Variants in PLRG1 observed in about 807,000 individuals in gnomAD.
PLRG1 encodes pleiotropic regulator 1, also known as pleiotropic regulator 1 (PRL1 homolog, Arabidopsis).
PLRG1 carries 28 observed loss-of-function variants against 74.9 expected under a neutral mutation model. The observed-to-expected ratio is 0.37, with a 90% CI of 0.28 to 0.51. PLRG1 has a LOEUF of 0.51. PLRG1 is among the 20% of genes least tolerant of loss of function. The pLI, the probability that PLRG1 is intolerant of heterozygous loss-of-function variation, is 0.91. For synonymous variants in PLRG1, 197 were observed against 212.4 expected, an observed-to-expected ratio of 0.93 and a Z score of 0.63; for missense variants, 445 against 631.9, an observed-to-expected ratio of 0.70 and a Z score of 3.17.
chr4:154,549,768 G>A (rs1359566392), intron 1 of PLRG1: 4 of 456,424 alleles, frequency 8.8e-6, no homozygotes, highest in Non-Finnish European at 1.8e-5. Context: ...CTCAATTAAG[G>A]TGGACTGCAG....
At chr4:154,542,388 T>C (rs1489730719) in intron 7 of PLRG1, 109 bp from the exon 8 acceptor site, 1 of 671,500 alleles carries the variant, frequency 1.5e-6, no homozygotes, top group Non-Finnish European at 2.7e-6. Flanking sequence ...TCATAAAAGA[T>C]AATGACTATT....
At chr4:154,542,041 T>C (rs1729564532) in intron 8 of PLRG1, 146 bp downstream of exon 8, 1 of 606,836 alleles carries the variant, frequency 1.6e-6, no homozygotes, top group Non-Finnish European at 3.0e-6. Context: ...GAACACTTAT[T>C]AGTATAAATG....
intron 6 of PLRG1, among the ~76,000 whole-genome samples, chr4:154,545,349 T>C (rs368248458): frequency 2.2e-5 from 3 of 135,340 alleles, no homozygotes; most frequent in East Asian, 2.0e-4. Flanking sequence ...AAAATAACTA[T>C]AGAAAATTCA....
intron 11 of PLRG1, among the ~76,000 whole-genome samples, chr4:154,539,606 C>A (rs1729519659): frequency 6.6e-6 from 1 of 152,036 alleles, no homozygotes; most frequent in African/African-American, 2.4e-5. Flanking sequence ...AGATTCAAAT[C>A]AGTTCTAAAG....
rs542475309 is a variant in PLRG1 at position 154,550,348 on chromosome 4, C to G, written c.-40G>C. Reference sequence around the variant, plus strand: ...TCCCACCTCCGGCAGGGAAGAAACTCTAATCACTAACGCAGTACCCGCCGC... The same window carrying G: ...TCCCACCTCCGGCAGGGAAGAAACTGTAATCACTAACGCAGTACCCGCCGC... On this transcript the variant is annotated 5_prime_UTR_variant, in exon 1 of 15. Transcript: ENST00000499023. 12 of 1,604,778 alleles carry G rather than the reference C, an allele frequency of 7.5e-6. No individual in the cohort carries two copies. Among genetic ancestry groups the G allele is most frequent in the Middle Eastern group, 1.7e-4 (1 of 6,042 alleles).
At position 154,539,212 on chromosome 4, in the gene PLRG1, TC is replaced by T; in HGVS notation, c.1043del (p.Gly348GlufsTer19). 1 of 1,566,238 alleles carries T rather than the reference TC, an allele frequency of 6.4e-7. No individual in the cohort carries two copies. Among genetic ancestry groups the T allele is most frequent in the Non-Finnish European group, 8.8e-7 (1 of 1,136,546 alleles). ...CQAAEPQIIT[G>X]SHDTTIRLWD... is the part of the protein sequence containing the mutation. ...ATAATCGAATTGTAGTATCATGGCT[TC>T]CTGTAATGGAAACACATATATCCCT... On this transcript the variant is annotated frameshift_variant and splice_region_variant, in exon 12 of 15. Transcript: ENST00000499023. LOFTEE classifies it high-confidence loss of function.
Position 154,547,822 on chromosome 4 carries a change from T to C in PLRG1, c.148A>G (p.Asn50Asp). The change falls in exon 3 of 15, where the codon AAT becomes GAT. Residue 50 changes from asparagine (N) to aspartate (D), a missense_variant. Physicochemically the swap from Asn to Asp is conservative, Grantham distance 23 (BLOSUM62 1). Transcript: ENST00000499023. ...ATATGCAACACAGGACCATACTCAT[T>C]ACGAAGCTTGATTGCCATTTTTCGT... Reference protein sequence around the residue: ...HKRKMAIKLRNEYGPVLHMPT... With the variant: ...HKRKMAIKLRDEYGPVLHMPT... 6.2e-7 allele frequency: 1 copy of C among 1,609,524 alleles called. No individual in the cohort carries two copies. Among genetic ancestry groups the C allele is most frequent in the Non-Finnish European group, 8.5e-7 (1 of 1,177,776 alleles).
At chr4:154,543,820 C>G (rs1032976940) in intron 7 of PLRG1, 1 of 152,184 alleles carries the variant, frequency 6.6e-6, no homozygotes, top group Non-Finnish European at 1.5e-5. Flanking sequence ...ACATTTCCTA[C>G]TATGTACATT....
Position 154,537,344 on chromosome 4 carries a change from C to T in PLRG1, c.1427G>A (p.Arg476Gln), listed in dbSNP as rs770950365. The T allele has an allele frequency of 6.2e-7, 1 of 1,613,108 alleles. No individual in the cohort carries two copies. Among genetic ancestry groups the T allele is most frequent in the Non-Finnish European group, 8.5e-7 (1 of 1,179,350 alleles). The stretch of plus-strand genomic sequence containing the variant: ...TTTATCAGCTTCAGCTGTTAGTAAT[C>T]GACTTTCAGACTGATCAAAAGCACA... ...FACAFDQSES[R>Q]LLTAEADKTI... Residue 476 changes from arginine to glutamine, a missense_variant, in exon 14 of 15, where the codon CGA (arginine) becomes CAA (glutamine). This residue lies in a region of PLRG1 where 221 missense variants were observed against 377.7 expected (regional missense o/e 0.59). Transcript: ENST00000499023.
chr4:154,546,007 T>C (rs1729645558), intron 5 of PLRG1, 84 bp from the exon 6 acceptor site: 3 of 1,110,608 alleles, frequency 2.7e-6, no homozygotes, highest in South Asian at 1.4e-5. Flanking sequence ...TTTTAAATTG[T>C]TATAAAGTCC....
chr4:154,535,589 T>C lies in PLRG1; in HGVS notation c.*1096A>G, dbSNP rs1366168068. ...TTTGGAAAATTTAAAAAATTGACTG[T>C]TCTTATAACTGTGTTTTCTAATTAT... On this transcript the variant is annotated 3_prime_UTR_variant, in exon 15 of 15. Coordinates refer to ENST00000499023, the MANE Select transcript of PLRG1 (RefSeq NM_002669.4). The C allele has an allele frequency of 6.6e-6, 1 of 151,528 alleles. No homozygotes were observed. The allele number at this position is 151,528 out of a possible 1,614,324, so 9.4% of individuals were successfully genotyped here. A position where few individuals can be genotyped will look rare whatever the true frequency, so the allele number is the denominator to read the frequency against.
intron 11 of PLRG1, 132 bp from the exon 12 acceptor site, chr4:154,539,345 T>G (rs1037072908): frequency 4.9e-6 from 3 of 614,036 alleles, no homozygotes; most frequent in African/African-American, 3.7e-5. Flanking sequence ...AAATTAGTCT[T>G]GGCTAATTTC....
Position 154,535,392 on chromosome 4 carries a change from C to T in PLRG1, c.*1293G>A, listed in dbSNP as rs182972380. 2.0e-5 allele frequency: 3 copies of T among 151,308 alleles called. No homozygotes were observed. Among genetic ancestry groups the T allele is most frequent in the Admixed American group, 1.3e-4 (2 of 15,150 alleles). 9.4% of individuals were successfully genotyped at this position (151,308 alleles called of 1,614,324 possible). On this transcript the variant is annotated 3_prime_UTR_variant, in exon 15 of 15. Transcript: ENST00000499023. ...CTTGTGTACACTTGTCAGATCATTC[C>T]CATTAGGCAGTTTCCTAGGAATGAA...
rs756375968 is a variant in PLRG1 at position 154,547,066 on chromosome 4, T to TA, written c.260-3dup. 1.5e-5 allele frequency: 24 copies of TA among 1,610,218 alleles called. No homozygotes were observed. The East Asian group carries it at 2.7e-4, about 18-fold the overall frequency. On this transcript the variant is annotated splice_polypyrimidine_tract_variant and splice_region_variant and intron_variant, in intron 3 of 14. Transcript: ENST00000499023. ...CCACAAAGTATTCAACTTCTTGTCC[T>TA]AAAAAAACACAAAAAAAATCAACAG... is the stretch of plus-strand genomic sequence containing the variant.
At position 154,547,717 on chromosome 4, in the gene PLRG1, T is replaced by G; in HGVS notation, c.253A>C (p.Asn85His). Residue 85 changes from asparagine (N) to histidine (H), a missense_variant, in exon 3 of 15, where the codon AAT (asparagine) becomes CAT (histidine). Physicochemically the swap from Asn to His is moderately conservative, Grantham distance 68. This residue lies in a region of PLRG1 where 206 missense variants were observed against 210.8 expected (regional missense o/e 0.98). Coordinates refer to ENST00000499023, the MANE Select transcript of PLRG1 (RefSeq NM_002669.4). ...DSYVHKQYPANQGQEVEYFVA... is the reference protein window; with the variant it reads ...DSYVHKQYPAHQGQEVEYFVA... The stretch of plus-strand genomic sequence containing the variant: ...CTGATAATACCATACTCACCTTGAT[T>G]GGCAGGGTACTGTTTATGAACATAT... 3 of 1,611,582 alleles carry G rather than the reference T, an allele frequency of 1.9e-6. No homozygotes were observed. The highest frequency in any genetic ancestry group is 2.5e-6 in the Non-Finnish European group (3 of 1,178,394).
intron 5 of PLRG1, 26 bp downstream of exon 5, chr4:154,546,097 A>G: frequency 7.4e-7 from 1 of 1,360,120 alleles, no homozygotes; most frequent in Non-Finnish European, 1.0e-6. Flanking sequence ...TGCTTTTAAG[A>G]TCTTTGTAAT....
chr4:154,540,299 C>T (rs1367511974), intron 10 of PLRG1: 2 of 578,868 alleles, frequency 3.5e-6, no homozygotes, highest in African/African-American at 3.7e-5. Context: ...TATGATGGGA[C>T]TACTTTTTAA....
At position 154,536,642 on chromosome 4, in the gene PLRG1, A is replaced by G. The variant is rs1182346693; in HGVS notation, c.*43T>C. The G allele has an allele frequency of 1.0e-6, 1 of 1,002,810 alleles. No individual in the cohort carries two copies. The highest frequency in any genetic ancestry group is 1.5e-6 in the Non-Finnish European group (1 of 657,232). 62.1% of individuals were successfully genotyped at this position (1,002,810 alleles called of 1,614,324 possible). A position where few individuals can be genotyped will look rare whatever the true frequency, so the allele number is the denominator to read the frequency against. On this transcript the variant is annotated 3_prime_UTR_variant, in exon 15 of 15. Coordinates refer to ENST00000499023, the MANE Select transcript of PLRG1 (RefSeq NM_002669.4). ...ATGAACGCCAAGCTTTTTTTTTTTT[A>G]ATTAAAAAGAAAAAAAAAGAGAGAG...
intron 1 of PLRG1, chr4:154,549,600 T>A: frequency 2.3e-6 from 1 of 444,342 alleles, no homozygotes; most frequent in Non-Finnish European, 4.5e-6. Context: ...CAACAGCCTA[T>A]ATTTTGTTCT....
Sources: gnomAD v4.1 joint callset for allele counts (sites outside exome capture counted in the v4.1 genomes callset) on GRCh38, gnomAD v4.1.1 for gene constraint, gnomAD v4.1.1 regional missense constraint, MANE v1.5 for transcripts, NCBI Gene and HGNC (gene_info 2026-07-23, HGNC 2026-07-21) for gene names.